PCDHGA1: variants seen among roughly 807,000 people sequenced by gnomAD.
PCDHGA1 encodes the protein protocadherin gamma subfamily A, 1.
A neutral mutation model predicts 58.0 loss-of-function variants in PCDHGA1; 32 were observed. The ratio of observed to expected loss-of-function variants is 0.55; its 90% CI spans 0.42 to 0.74. The LOEUF (loss-of-function observed/expected upper bound fraction) is 0.74, where lower values mean the gene tolerates loss of function less well. PCDHGA1 is among the 30% of genes least tolerant of loss of function. PCDHGA1 has a pLI of 0.00. For synonymous variants in PCDHGA1, 498 were observed against 501.1 expected, an observed-to-expected ratio of 0.99 and a Z score of 0.08; for missense variants, 1,205 against 1,182.3, an observed-to-expected ratio of 1.02 and a Z score of -0.28.
rs141514361 is a variant in PCDHGA1, at chr5:141,494,629, A to G, written c.2422-178A>G. 4,666 of 858,664 alleles carry G rather than the reference A, an allele frequency of 5.4e-3. 23 individuals are homozygous for G. Among genetic ancestry groups the G allele is most frequent in the Admixed American group, 0.011 (170 of 16,094 alleles). 53.2% of individuals were successfully genotyped at this position (858,664 alleles called of 1,614,324 possible). On this transcript the variant is annotated intron_variant, in intron 1 of 3. Coordinates refer to ENST00000517417, the MANE Select transcript of PCDHGA1 (RefSeq NM_018912.3). ...TATCTCTTGGTTTCTGGTACCTCAGACCTCTGAGACCTGAGGTGTATTTTG... is the reference window on the plus strand; with the variant it reads ...TATCTCTTGGTTTCTGGTACCTCAGGCCTCTGAGACCTGAGGTGTATTTTG...
intron 1 of PCDHGA1, among the ~76,000 whole-genome samples, chr5:141,488,938 A>T (rs1195859645): frequency 6.6e-6 from 1 of 152,154 alleles, no homozygotes; most frequent in East Asian, 1.9e-4. Context: ...AGGAAACTCC[A>T]TAATTGGTTG....
chr5:141,408,307 C>T, intron 1 of PCDHGA1: 1 of 1,613,820 alleles, frequency 6.2e-7, no homozygotes, highest in East Asian at 2.2e-5. Flanking sequence ...CGATCCGCTA[C>T]TCGATTCCGG....
At chr5:141,429,610 T>C (rs2097228693) in intron 1 of PCDHGA1, among the ~76,000 whole-genome samples, 2 of 152,230 alleles carry the variant, frequency 1.3e-5, no homozygotes, top group African/African-American at 4.8e-5. Flanking sequence ...AACTCAATTT[T>C]ATGTCTGATA....
At chr5:141,374,518 C>G (rs766036470) in intron 1 of PCDHGA1, 9 of 1,612,422 alleles carry the variant, frequency 5.6e-6, no homozygotes, top group African/African-American at 1.3e-5. Flanking sequence ...TTCTCGAAAA[C>G]GCAGCTCCAT....
chr5:141,461,058 T>C (rs1450016344), intron 1 of PCDHGA1, among the ~76,000 whole-genome samples: 2 of 152,010 alleles, frequency 1.3e-5, no homozygotes, highest in Admixed American at 1.3e-4. Context: ...CTTAGGTTGG[T>C]TTCACATTTT....
At chr5:141,470,548 A>G (rs2099232978) in intron 1 of PCDHGA1, among the ~76,000 whole-genome samples, 1 of 152,182 alleles carries the variant, frequency 6.6e-6, no homozygotes, top group Non-Finnish European at 1.5e-5. Context: ...ATATTTATTG[A>G]GAGTTTCCTC....
At chr5:141,384,368 C>A (rs748304499) in intron 1 of PCDHGA1, 3 of 1,613,790 alleles carry the variant, frequency 1.9e-6, no homozygotes, top group Non-Finnish European at 2.5e-6. Flanking sequence ...ATCACTTATT[C>A]CTTGGCCGAA....
chr5:141,461,595 A>C (rs2099018386), intron 1 of PCDHGA1, among the ~76,000 whole-genome samples: 1 of 152,144 alleles, frequency 6.6e-6, no homozygotes, highest in East Asian at 1.9e-4. Flanking sequence ...TATTTCCATT[A>C]TAATTTAGTT....
Position 141,356,101 on chromosome 5 carries a change from A to G in PCDHGA1, c.2421+22996A>G, listed in dbSNP as rs573376622. 7.4e-6 allele frequency: 12 copies of G among 1,613,918 alleles called. No individual in the cohort carries two copies. In the African/African-American group the frequency reaches 9.3e-5, roughly 13 times the overall value. On this transcript the variant is annotated intron_variant, in intron 1 of 3. Transcript: ENST00000517417. The stretch of plus-strand genomic sequence containing the variant: ...TCAGTTGAATTCTCTGAGTGGGGAT[A>G]TAACAATATTGGGGGGTCTAGATTA...
intron 1 of PCDHGA1, chr5:141,352,666 G>C (rs773765365): frequency 3.3e-5 from 52 of 1,585,710 alleles, no homozygotes; most frequent in Non-Finnish European, 4.4e-5. Flanking sequence ...CTTTGTCTTC[G>C]CACGTGAGTT....
intron 1 of PCDHGA1, chr5:141,341,983 A>G (rs1365200845): frequency 1.3e-5 from 2 of 154,414 alleles, no homozygotes; most frequent in African/African-American, 4.8e-5. Context: ...TCAGGAAGGT[A>G]TGTCATATTA....
At chr5:141,372,155 G>T in intron 1 of PCDHGA1, 1 of 1,613,796 alleles carries the variant, frequency 6.2e-7, no homozygotes, top group Non-Finnish European at 8.5e-7. Flanking sequence ...CTGGCTACCT[G>T]GTGACCAAGG....
chr5:141,491,567 C>T lies in PCDHGA1; in HGVS notation c.2422-3240C>T, dbSNP rs2099721325. On this transcript the variant is annotated intron_variant, in intron 1 of 3. Transcript: ENST00000517417. The surrounding 1 kb of genome is among the most constrained non-coding windows in gnomAD (Gnocchi z 6.9). ...GACTCGCAGAGCCACTGCTACAGGACGTGCTTTTCACCGGCCTCGGACGGC... is the reference window on the plus strand; with the variant it reads ...GACTCGCAGAGCCACTGCTACAGGATGTGCTTTTCACCGGCCTCGGACGGC... 1.9e-6 allele frequency: 3 copies of T among 1,614,004 alleles called. No individual in the cohort carries two copies. The highest frequency in any genetic ancestry group is 2.5e-6 in the Non-Finnish European group (3 of 1,180,034).
In PCDHGA1 at chr5:141,404,779, C is replaced by T. The variant is rs779433248; in HGVS notation, c.2421+71674C>T. 8.1e-6 allele frequency: 13 copies of T among 1,613,628 alleles called. No individual in the cohort carries two copies. In the Admixed American group the frequency reaches 1.5e-4, roughly 19 times the overall value. ...ATGCTTGGCTCTCCTACCGCCTATT[C>T]AAGGCCAGTGAGCCAGGGCTCTTCT... On this transcript the variant is annotated intron_variant, in intron 1 of 3. Coordinates refer to ENST00000517417, the MANE Select transcript of PCDHGA1 (RefSeq NM_018912.3).
chr5:141,399,975 G>A (rs2093929990), intron 1 of PCDHGA1: 2 of 1,612,126 alleles, frequency 1.2e-6, no homozygotes, highest in East Asian at 2.2e-5. Flanking sequence ...TCAGCCTGGG[G>A]CTGCGCACAG....
intron 1 of PCDHGA1, among the ~76,000 whole-genome samples, chr5:141,453,827 C>T (rs2098775483): frequency 6.6e-6 from 1 of 152,320 alleles, no homozygotes; most frequent in South Asian, 2.1e-4. Flanking sequence ...AACTTGGCTG[C>T]TAGCCCTTCA....
At chr5:141,469,233 C>T (rs2099194657) in intron 1 of PCDHGA1, among the ~76,000 whole-genome samples, 1 of 149,878 alleles carries the variant, frequency 6.7e-6, no homozygotes, top group African/African-American at 2.5e-5. Context: ...GCCATGATCA[C>T]CCCACTGCAC....
chr5:141,438,627 TATATATATACACACAC>T (rs1396288881), intron 1 of PCDHGA1, among the ~76,000 whole-genome samples: 69 of 48,002 alleles, frequency 1.4e-3, no homozygotes, highest in Admixed American at 2.8e-3. Flanking sequence ...TATATATATA[TATATATATACACACAC>T]ACACACACAT....
chr5:141,394,803 G>A lies in PCDHGA1; in HGVS notation c.2421+61698G>A, dbSNP rs143444747. The A allele has an allele frequency of 2.5e-6, 4 of 1,613,844 alleles. No homozygotes were observed. In the African/African-American group the frequency reaches 4.0e-5, roughly 16 times the overall value. On this transcript the variant is annotated intron_variant, in intron 1 of 3. Coordinates refer to ENST00000517417, the MANE Select transcript of PCDHGA1 (RefSeq NM_018912.3). Reference sequence around the variant, plus strand: ...CGCCACTGTCACGCTCACCGTAGCCGTGGCTGACAGCATCCCCGAAGTCCT... The same window carrying A: ...CGCCACTGTCACGCTCACCGTAGCCATGGCTGACAGCATCCCCGAAGTCCT...
Sources: gnomAD v4.1 joint callset for allele counts (sites outside exome capture counted in the v4.1 genomes callset) on GRCh38, gnomAD v4.1.1 for gene constraint, Gnocchi (gnomAD v3.1) non-coding constraint, MANE v1.5 for transcripts, NCBI Gene and HGNC (gene_info 2026-07-23, HGNC 2026-07-21) for gene names.